The following ARHGAP32 variants were observed in gnomAD, a reference collection of about 807,000 sequenced individuals.
ARHGAP32 encodes Rho GTPase activating protein 32, also known as rho GTPase-activating protein 32.
ARHGAP32 carries 51 observed loss-of-function variants against 186.5 expected under a neutral mutation model. The observed-to-expected ratio is 0.27, with a 90% CI of 0.22 to 0.35. The LOEUF (loss-of-function observed/expected upper bound fraction) is 0.35. ARHGAP32 is among the 10% of genes least tolerant of loss of function. The pLI is 1.00. For missense variants in ARHGAP32, 2,186 were observed against 2,623.5 expected, an observed-to-expected ratio of 0.83 and a Z score of 3.64; for synonymous variants, 950 against 964.3, an observed-to-expected ratio of 0.99 and a Z score of 0.27.
intron 6 of ARHGAP32, among the ~76,000 whole-genome samples, chr11:129,091,578 C>T (rs1211732263): frequency 6.6e-6 from 1 of 152,014 alleles, no homozygotes; most frequent in African/African-American, 2.4e-5. Context: ...ATAAAAAGAA[C>T]ATCAAGTGAT....
intron 6 of ARHGAP32, among the ~76,000 whole-genome samples, chr11:129,082,411 A>G (rs1393725163): frequency 6.6e-6 from 1 of 152,218 alleles, no homozygotes; most frequent in African/African-American, 2.4e-5. Flanking sequence ...ATAGGCACAC[A>G]GACCAACGGA....
chr11:129,003,551 G>C (rs1019430916), intron 11 of ARHGAP32, among the ~76,000 whole-genome samples: 3 of 152,022 alleles, frequency 2.0e-5, no homozygotes, highest in African/African-American at 7.2e-5. Flanking sequence ...TTATAATTTT[G>C]ATCTCATTAT....
chr11:129,023,800 G>A (rs1938706119), intron 11 of ARHGAP32: 2 of 772,100 alleles, frequency 2.6e-6, no homozygotes, highest in Middle Eastern at 6.7e-4. Flanking sequence ...TAGTTTCAGT[G>A]AAAAATTCTG....
chr11:128,995,121 A>C (rs914530319), intron 12 of ARHGAP32, among the ~76,000 whole-genome samples: 17 of 152,220 alleles, frequency 1.1e-4, no homozygotes, highest in Admixed American at 2.0e-4. Context: ...TTCATTTCTC[A>C]TATCACCTAA....
intron 5 of ARHGAP32, among the ~76,000 whole-genome samples, chr11:129,111,052 A>G (rs1436617461): frequency 6.6e-6 from 1 of 152,128 alleles, no homozygotes; most frequent in Non-Finnish European, 1.5e-5. Context: ...GTATGATGTT[A>G]GGTGTTGGTC....
chr11:129,049,353 G>C (rs1336251939), intron 10 of ARHGAP32, among the ~76,000 whole-genome samples: 3 of 152,192 alleles, frequency 2.0e-5, no homozygotes, highest in African/African-American at 7.2e-5. Flanking sequence ...ATGAAGTCAA[G>C]AATGCTCCTG....
At chr11:129,044,617 G>A (rs541005926) in intron 10 of ARHGAP32, among the ~76,000 whole-genome samples, 1 of 152,174 alleles carries the variant, frequency 6.6e-6, no homozygotes, top group South Asian at 2.1e-4. Context: ...CCACCTTTTG[G>A]ATATATCTGC....
At chr11:129,231,213 T>G (rs1352208269) in intron 1 of ARHGAP32, among the ~76,000 whole-genome samples, 1 of 152,240 alleles carries the variant, frequency 6.6e-6, no homozygotes, top group Non-Finnish European at 1.5e-5. Context: ...TGCAAATATT[T>G]ACTGTTTGTT....
chr11:129,131,194 C>G (rs905033845), intron 2 of ARHGAP32, among the ~76,000 whole-genome samples: 2 of 151,948 alleles, frequency 1.3e-5, no homozygotes, highest in African/African-American at 2.4e-5. Flanking sequence ...TTACCAAGAA[C>G]TGTTTTATAT....
chr11:129,071,612 T>G (rs963489817), intron 6 of ARHGAP32, among the ~76,000 whole-genome samples: 1 of 152,062 alleles, frequency 6.6e-6, no homozygotes, highest in Non-Finnish European at 1.5e-5. Flanking sequence ...ACACTTTTAT[T>G]GGAAATATAA....
intron 15 of ARHGAP32, among the ~76,000 whole-genome samples, chr11:128,983,381 T>A (rs1223467983): frequency 6.7e-6 from 1 of 149,208 alleles, no homozygotes; most frequent in African/African-American, 2.5e-5. Context: ...AGAAACGTAT[T>A]TAGATCGCAA....
intron 10 of ARHGAP32, among the ~76,000 whole-genome samples, chr11:129,041,401 T>C (rs1026483272): frequency 6.6e-6 from 1 of 151,918 alleles, no homozygotes; most frequent in Admixed American, 6.6e-5. Context: ...CCAACTTATG[T>C]TTATTGACTT....
intron 1 of ARHGAP32, among the ~76,000 whole-genome samples, chr11:129,276,079 C>T (rs906155536): frequency 6.6e-6 from 1 of 152,186 alleles, no homozygotes; most frequent in African/African-American, 2.4e-5. Flanking sequence ...AATTTGGAGG[C>T]CAGCCTGTGC....
intron 6 of ARHGAP32, among the ~76,000 whole-genome samples, chr11:129,089,742 A>G (rs1418589264): frequency 6.6e-6 from 1 of 152,214 alleles, no homozygotes; most frequent in South Asian, 2.1e-4. Flanking sequence ...CTGGCAGTTT[A>G]TAAGGTTATA....
chr11:128,978,727 C>T, intron 19 of ARHGAP32, 43 bp downstream of exon 19: 3 of 1,565,272 alleles, frequency 1.9e-6, no homozygotes, highest in South Asian at 1.2e-5. Flanking sequence ...CAACCGAAGA[C>T]CATCATGACA....
intron 1 of ARHGAP32, among the ~76,000 whole-genome samples, chr11:129,227,563 A>G (rs1944803058): frequency 6.6e-6 from 1 of 152,108 alleles, no homozygotes; most frequent in South Asian, 2.1e-4. Flanking sequence ...ATAGGTTGAA[A>G]GTGAAAGGAT....
chr11:129,009,556 C>T (rs150372853), intron 11 of ARHGAP32, among the ~76,000 whole-genome samples: 262 of 152,268 alleles, frequency 1.7e-3, no homozygotes, highest in African/African-American at 5.8e-3. Flanking sequence ...TCTCATTGTT[C>T]AGCTCCCACT....
chr11:129,041,050 C>T, intron 10 of ARHGAP32, 41 bp from the exon 11 acceptor site: 1 of 1,399,786 alleles, frequency 7.1e-7, no homozygotes, highest in Non-Finnish European at 9.9e-7. Flanking sequence ...AACCAGCAAA[C>T]AGACCAATTA....
Position 129,215,832 on chromosome 11 carries a change from A to G in ARHGAP32, c.-4-51405T>C, listed in dbSNP as rs146357170. 4.5e-3 allele frequency among the ~76,000 whole-genome samples: 685 copies of G among 152,292 alleles called. 8 individuals are homozygous for G. The highest frequency in any genetic ancestry group is 0.016 in the African/African-American group (649 of 41,574). On this transcript the variant is annotated intron_variant, in intron 1 of 6. Coordinates refer to the ARHGAP32 transcript ENST00000525234. Reference sequence around the variant, plus strand: ...AAAATACCTCCATGTCCTAATCCCTATAAGTTATAAATGCTACCTTATTTG... The same window carrying G: ...AAAATACCTCCATGTCCTAATCCCTGTAAGTTATAAATGCTACCTTATTTG...
Sources: allele counts gnomAD v4.1 joint callset (sites outside exome capture counted in the v4.1 genomes callset), GRCh38; gene constraint gnomAD v4.1.1; transcripts MANE v1.5; gene names NCBI Gene and HGNC (gene_info 2026-07-23, HGNC 2026-07-21).